CASZ1: variants seen among roughly 807,000 people sequenced by gnomAD.
CASZ1 encodes zinc finger protein castor homolog 1.
CASZ1 carries 28 observed loss-of-function variants against 135.2 expected under a neutral mutation model. The observed-to-expected ratio is 0.21, with a 90% CI of 0.15 to 0.28. The LOEUF (loss-of-function observed/expected upper bound fraction) is 0.28. Among genes scored for constraint, CASZ1 ranks in the 10% least tolerant of loss-of-function variants. CASZ1 has a pLI of 1.00. For missense variants in CASZ1, 2,161 were observed against 2,453.3 expected (o/e 0.88, Z 2.52); for synonymous variants, 1,068 against 1,073.4 (o/e 0.99, Z 0.10).
chr1:10,651,197 G>T, intron 11 of CASZ1, 121 bp from the exon 12 acceptor site: 1 of 709,296 alleles, frequency 1.4e-6, no homozygotes, highest in Non-Finnish European at 2.1e-6. Context: ...ACTGGTCAGC[G>T]CTTCTCCCGC....
At chr1:10,718,392 C>T (rs2100478379) in intron 2 of CASZ1, among the ~76,000 whole-genome samples, 1 of 152,360 alleles carries the variant, frequency 6.6e-6, no homozygotes, top group East Asian at 1.9e-4. Flanking sequence ...ATCAAAGCAG[C>T]AGCTACAATC....
chr1:10,660,194 G>T lies in CASZ1; in HGVS notation c.848C>A (p.Ala283Asp). 1 of 1,613,418 alleles carries T rather than the reference G, an allele frequency of 6.2e-7. No individual in the cohort carries two copies. The highest frequency in any genetic ancestry group is 8.5e-7 in the Non-Finnish European group (1 of 1,179,910). The stretch of plus-strand genomic sequence containing the variant: ...GATGGTGGCCTTGGTCTCCAGGTGG[G>T]CCGTGCTGCTGGGCAGCCGCAGGCC... ...LPGLRLPSST[A>D]HLETKATILP... Residue 283 changes from alanine (A) to aspartate (D), a missense_variant, in exon 6 of 21, where the codon GCC becomes GAC. Ala to Asp is a moderately radical substitution (Grantham distance 126, BLOSUM62 -2). This residue lies in a region of CASZ1 where 590 missense variants were observed against 609.8 expected (regional missense o/e 0.97). Coordinates refer to ENST00000377022, the MANE Select transcript of CASZ1 (RefSeq NM_001079843.3).
At chr1:10,738,058 T>G (rs940009773) in intron 2 of CASZ1, among the ~76,000 whole-genome samples, 3 of 152,008 alleles carry the variant, frequency 2.0e-5, no homozygotes, top group African/African-American at 7.2e-5. Context: ...TGCAGGTCCC[T>G]CCTTCGTGGA....
chr1:10,737,907 TCAGG>T (rs778730379), intron 2 of CASZ1, among the ~76,000 whole-genome samples: 7 of 152,214 alleles, frequency 4.6e-5, no homozygotes, highest in Non-Finnish European at 1.0e-4. Flanking sequence ...CTGGGTGCAG[TCAGG>T]CAGTGATGCT....
chr1:10,793,955 G>T (rs1224929016), intron 1 of CASZ1, among the ~76,000 whole-genome samples: 1 of 152,166 alleles, frequency 6.6e-6, no homozygotes, highest in African/African-American at 2.4e-5. Flanking sequence ...GGGACGCACC[G>T]CCTGGTCGCC....
chr1:10,704,737 C>T (rs1009268867), intron 3 of CASZ1, among the ~76,000 whole-genome samples: 7 of 152,262 alleles, frequency 4.6e-5, no homozygotes, highest in Non-Finnish European at 1.0e-4. Context: ...CCAGCTCGCC[C>T]GCCGGGCAGG....
In CASZ1 at chr1:10,776,755, A is replaced by C. The variant is rs188673375; in HGVS notation, c.-233-15898T>G. Among the ~76,000 whole-genome samples the C allele has an allele frequency of 6.6e-6, 1 of 152,316 alleles. No homozygotes were observed. Among genetic ancestry groups the C allele is most frequent in the Admixed American group, 6.5e-5 (1 of 15,304 alleles). The stretch of plus-strand genomic sequence containing the variant: ...TGGCAAGAAGCTCCAGCCATCCTGA[A>C]GTAGGAAGGGGTGACGGCTCTATGG... On this transcript the variant is annotated intron_variant, in intron 1 of 20. Coordinates refer to ENST00000377022, the MANE Select transcript of CASZ1 (RefSeq NM_001079843.3). The surrounding 1 kb of genome is among the most constrained non-coding windows in gnomAD (Gnocchi z 4.1).
intron 1 of CASZ1, among the ~76,000 whole-genome samples, chr1:10,778,124 C>CA (rs1358494339): frequency 6.6e-6 from 1 of 151,884 alleles, no homozygotes; most frequent in Non-Finnish European, 1.5e-5. Context: ...CAATTTCACA[C>CA]AAAATCTCAA....
rs1189612883 is a variant in CASZ1 at position 10,679,079 on chromosome 1, C to T, written c.17-13508G>A. Among the ~76,000 whole-genome samples, 1 of 152,216 alleles carries T rather than the reference C, an allele frequency of 6.6e-6. No individual in the cohort carries two copies. Among genetic ancestry groups the T allele is most frequent in the Admixed American group, 6.5e-5 (1 of 15,292 alleles). The stretch of plus-strand genomic sequence containing the variant: ...GTCCCCTCACTCTCCTCCATCACTG[C>T]TCCCTGGGCCATGAAGAGCTGAGGT... On this transcript the variant is annotated intron_variant, in intron 4 of 20. Transcript: ENST00000377022. The surrounding 1 kb of genome is among the most constrained non-coding windows in gnomAD (Gnocchi z 4.7).
intron 13 of CASZ1, 35 bp downstream of exon 13, chr1:10,650,657 G>T (rs781588250): frequency 7.7e-6 from 12 of 1,562,034 alleles, no homozygotes; most frequent in Non-Finnish European, 1.1e-5. Flanking sequence ...TTCTCTGGGT[G>T]GGGGAACGGG....
intron 1 of CASZ1, among the ~76,000 whole-genome samples, chr1:10,793,364 G>A (rs1458523513): frequency 6.6e-6 from 1 of 151,996 alleles, no homozygotes; most frequent in Non-Finnish European, 1.5e-5. Flanking sequence ...AAGGCTCCCG[G>A]GCTGGGCTCC....
chr1:10,785,075 CTCCT>C (rs1387815609), intron 1 of CASZ1, among the ~76,000 whole-genome samples: 18 of 72,838 alleles, frequency 2.5e-4, no homozygotes, highest in African/African-American at 3.3e-4. Flanking sequence ...CTCTCTCTCC[CTCCT>C]TCCTTCCTTC....
chr1:10,738,918 GTTTT>G (rs752101102), intron 2 of CASZ1, among the ~76,000 whole-genome samples: 9 of 69,202 alleles, frequency 1.3e-4, no homozygotes, highest in South Asian at 4.9e-4. Context: ...ATGAAGGAAG[GTTTT>G]TTTTTTTTTT....
intron 2 of CASZ1, among the ~76,000 whole-genome samples, chr1:10,728,829 GAA>G (rs1639643364): frequency 6.6e-6 from 1 of 152,128 alleles, no homozygotes; most frequent in Admixed American, 6.5e-5. Context: ...GCCGGCGCTT[GAA>G]GACTCAATAA....
At chr1:10,650,393 A>G in intron 13 of CASZ1, 2 of 200,256 alleles carry the variant, frequency 1.0e-5, no homozygotes, top group Non-Finnish European at 2.0e-5. Context: ...AATAAATAAA[A>G]TTAATAACGA....
chr1:10,680,298 G>A (rs539928063), intron 4 of CASZ1, among the ~76,000 whole-genome samples: 1 of 151,462 alleles, frequency 6.6e-6, no homozygotes, highest in Non-Finnish European at 1.5e-5. Flanking sequence ...TGGAGGGGAG[G>A]GGGGTGCGAG....
At chr1:10,656,889 C>T (rs993814447) in intron 7 of CASZ1, among the ~76,000 whole-genome samples, 153 bp from the exon 8 acceptor site, 3 of 152,152 alleles carry the variant, frequency 2.0e-5, no homozygotes, top group East Asian at 3.9e-4. Flanking sequence ...CTGGGCCTGG[C>T]GGGAATCCCA....
intron 4 of CASZ1, among the ~76,000 whole-genome samples, chr1:10,677,409 G>A (rs1638258604): frequency 6.6e-6 from 1 of 152,108 alleles, no homozygotes; most frequent in Non-Finnish European, 1.5e-5. Context: ...CGTCTAAAGT[G>A]GGCAAACAGG....
rs1557565508 is a variant in CASZ1, at chr1:10,777,029, C to T, written c.-233-16172G>A. Reference sequence around the variant, plus strand: ...CACCCTGAGCCAGTGGGGAAGATGACCGTGTTTCCAAATGGCTCAAATACT... The same window carrying T: ...CACCCTGAGCCAGTGGGGAAGATGATCGTGTTTCCAAATGGCTCAAATACT... On this transcript the variant is annotated intron_variant, in intron 1 of 20. Transcript: ENST00000377022. This position sits in a 1 kb window ranked among gnomAD's most constrained non-coding sequence, Gnocchi z 4.4. 6.6e-6 allele frequency among the ~76,000 whole-genome samples: 1 copy of T among 152,272 alleles called. No homozygotes were observed. Among genetic ancestry groups the T allele is most frequent in the East Asian group, 1.9e-4 (1 of 5,170 alleles).
Sources: allele counts gnomAD v4.1 joint callset (sites outside exome capture counted in the v4.1 genomes callset), GRCh38; gene constraint gnomAD v4.1.1; regional missense constraint gnomAD v4.1.1; non-coding constraint Gnocchi (gnomAD v3.1); transcripts MANE v1.5; gene names NCBI Gene and HGNC (gene_info 2026-07-23, HGNC 2026-07-21).